Variants in SPARCL1 observed in about 807,000 individuals in gnomAD.
SPARCL1 encodes SPARC like 1, also known as SPARC-like protein 1.
In SPARCL1, 52 loss-of-function variants were observed where a neutral mutation model predicts 67.1. That is an observed-to-expected ratio of 0.78 (90% CI 0.62 to 0.98). The LOEUF is 0.98. Among genes scored for constraint, SPARCL1 ranks in the 50% least tolerant of loss-of-function variants. The probability of loss-of-function intolerance (pLI) is 0.00; values close to 1 mark genes in which losing one functional copy is unlikely to be tolerated. For missense variants in SPARCL1, 717 were observed against 782.4 expected, an observed-to-expected ratio of 0.92 and a Z score of 1.00; for synonymous variants, 226 against 267.8, an observed-to-expected ratio of 0.84 and a Z score of 1.52.
At chr4:87,501,084 T>C (rs748041963) in intron 1 of SPARCL1, among the ~76,000 whole-genome samples, 5 of 152,230 alleles carry the variant, frequency 3.3e-5, no homozygotes, top group Non-Finnish European at 7.3e-5. Context: ...TAAAATTTCC[T>C]CTTAATATGG....
intron 7 of SPARCL1, among the ~76,000 whole-genome samples, chr4:87,488,417 G>A (rs1724163842): frequency 6.6e-6 from 1 of 152,216 alleles, no homozygotes. Context: ...GGTGTCACCA[G>A]CAGAGGCTTC....
chr4:87,479,871 A>T lies in SPARCL1; in HGVS notation c.1818-293T>A, dbSNP rs540325951. Among the ~76,000 whole-genome samples, 3 of 152,202 alleles carry T rather than the reference A, an allele frequency of 2.0e-5. No individual in the cohort carries two copies. In the East Asian group the frequency reaches 5.8e-4, roughly 29 times the overall value. ...AACCTGGTTCTCATCTACTGGCCAT[A>T]CCTGATTGTTTTAGATGTAGTCACT... On this transcript the variant is annotated intron_variant, in intron 9 of 10. Coordinates refer to ENST00000282470, the MANE Select transcript of SPARCL1 (RefSeq NM_004684.6).
intron 1 of SPARCL1, among the ~76,000 whole-genome samples, chr4:87,502,350 A>G (rs1724887188): frequency 6.6e-6 from 1 of 152,174 alleles, no homozygotes; most frequent in South Asian, 2.1e-4. Context: ...ACAGTGGTAT[A>G]GAGCACTAGA....
At chr4:87,512,728 G>A (rs2869678) in intron 1 of SPARCL1, among the ~76,000 whole-genome samples, 32,606 of 152,044 alleles carry the variant, frequency 0.21, 3,583 homozygotes, top group Non-Finnish European at 0.23. Flanking sequence ...AGCAAATACA[G>A]GGATGTGATT....
At chr4:87,528,170 A>G (rs1726129186) in intron 1 of SPARCL1, 1 of 150,262 alleles carries the variant, frequency 6.7e-6, no homozygotes, top group Admixed American at 6.7e-5. Flanking sequence ...AGTTAAAAGC[A>G]TGTTTTTTTT....
intron 4 of SPARCL1, among the ~76,000 whole-genome samples, chr4:87,493,004 G>A (rs900211358): frequency 1.3e-5 from 2 of 152,122 alleles, no homozygotes; most frequent in African/African-American, 2.4e-5. Context: ...AAACAATATG[G>A]CATCTGCTTT....
intron 4 of SPARCL1, among the ~76,000 whole-genome samples, chr4:87,492,083 A>C (rs1012920517): frequency 7.3e-5 from 11 of 151,550 alleles, no homozygotes; most frequent in Non-Finnish European, 1.6e-4. Flanking sequence ...GCATCACTAC[A>C]CTCCAGCCTA....
chr4:87,478,674 G>A (rs1723680598), intron 10 of SPARCL1, among the ~76,000 whole-genome samples: 1 of 152,058 alleles, frequency 6.6e-6, no homozygotes, highest in African/African-American at 2.4e-5. Context: ...CTGACCTCAC[G>A]TGATCCACCC....
chr4:87,511,614 A>G (rs1463876407), intron 1 of SPARCL1, among the ~76,000 whole-genome samples: 1 of 152,230 alleles, frequency 6.6e-6, no homozygotes, highest in Non-Finnish European at 1.5e-5. Context: ...AGATACAAAC[A>G]GTGAGAGAAA....
At chr4:87,512,054 TC>T (rs1223631592) in intron 1 of SPARCL1, among the ~76,000 whole-genome samples, 1 of 143,630 alleles carries the variant, frequency 7.0e-6, no homozygotes, top group African/African-American at 2.6e-5. Flanking sequence ...AACCTCCACC[TC>T]CAGGGTTCAA....
At chr4:87,527,533 C>T (rs1726098795) in intron 1 of SPARCL1, among the ~76,000 whole-genome samples, 1 of 152,028 alleles carries the variant, frequency 6.6e-6, no homozygotes, top group Non-Finnish European at 1.5e-5. Flanking sequence ...TTCAAGTTGT[C>T]CAGATGCATC....
At chr4:87,507,396 T>C (rs1308952206) in intron 1 of SPARCL1, among the ~76,000 whole-genome samples, 1 of 152,240 alleles carries the variant, frequency 6.6e-6, no homozygotes, top group African/African-American at 2.4e-5. Context: ...AATCTAAATG[T>C]AGCTGAATGA....
chr4:87,475,878 G>C (rs1267735351), intron 10 of SPARCL1, among the ~76,000 whole-genome samples: 1 of 152,092 alleles, frequency 6.6e-6, no homozygotes, highest in Non-Finnish European at 1.5e-5. Flanking sequence ...ATCCCATACT[G>C]GGTATATTTA....
chr4:87,495,289 A>G (rs904846349), intron 2 of SPARCL1, 162 bp from the exon 3 acceptor site: 6 of 539,640 alleles, frequency 1.1e-5, no homozygotes, highest in African/African-American at 2.0e-5. Flanking sequence ...GCAGATGCCT[A>G]GAACAGAATG....
chr4:87,499,619 GAA>G (rs762245012), intron 1 of SPARCL1, 34 bp from the exon 2 acceptor site: 2 of 1,518,666 alleles, frequency 1.3e-6, no homozygotes, highest in East Asian at 2.3e-5. Context: ...CAGTGGCAGG[GAA>G]AAGTTTCCTC....
At chr4:87,526,544 G>A (rs983933143) in intron 1 of SPARCL1, among the ~76,000 whole-genome samples, 4 of 152,160 alleles carry the variant, frequency 2.6e-5, no homozygotes, top group Non-Finnish European at 5.9e-5. Flanking sequence ...CTAAACAGAT[G>A]AGTAAACTGA....
intron 10 of SPARCL1, among the ~76,000 whole-genome samples, 181 bp downstream of exon 10, chr4:87,479,248 AG>A (rs1461172582): frequency 6.6e-6 from 1 of 152,210 alleles, no homozygotes; most frequent in Non-Finnish European, 1.5e-5. Context: ...CCATAAAGGT[AG>A]TAAGAAGTGA....
chr4:87,495,091 T>C lies in SPARCL1; in HGVS notation c.91A>G (p.Thr31Ala). The C allele has an allele frequency of 6.2e-7, 1 of 1,611,464 alleles. No homozygotes were observed. Among genetic ancestry groups the C allele is most frequent in the South Asian group, 1.1e-5 (1 of 90,046 alleles). The change falls in exon 3 of 11, where the codon ACT becomes GCT. Residue 31 changes from threonine to alanine, a missense_variant. Coordinates refer to ENST00000282470, the MANE Select transcript of SPARCL1 (RefSeq NM_004684.6). ...TTGTCAGGTGCTACCGTTTCAGCAG[T>C]TGGTTTGGAATGATCAGATAATAAT... ...ARLLSDHSKP[T>A]AETVAPDNTA...
At position 87,505,675 on chromosome 4, in the gene SPARCL1, C is replaced by T. The variant is rs372568979; in HGVS notation, c.-11-6090G>A. Among the ~76,000 whole-genome samples the T allele has an allele frequency of 5.6e-4, 85 of 151,810 alleles. No individual in the cohort carries two copies. The Middle Eastern group carries it at 0.014, about 25-fold the overall frequency. On this transcript the variant is annotated intron_variant, in intron 1 of 10. Transcript: ENST00000282470. ...GCTCAGGTGATCCTCCTGCCTCAGACTCTCAAGTAGCTGGGGATATAGGTG... is the reference window on the plus strand; with the variant it reads ...GCTCAGGTGATCCTCCTGCCTCAGATTCTCAAGTAGCTGGGGATATAGGTG...
Sources: gnomAD v4.1 joint callset for allele counts (sites outside exome capture counted in the v4.1 genomes callset) on GRCh38, gnomAD v4.1.1 for gene constraint, MANE v1.5 for transcripts, NCBI Gene and HGNC (gene_info 2026-07-23, HGNC 2026-07-21) for gene names.